The following TTC28 variants were observed in gnomAD, a reference collection of about 807,000 sequenced individuals.
The protein encoded by TTC28 is tetratricopeptide repeat protein 28.
In TTC28, 61 loss-of-function variants were observed where a neutral mutation model predicts 198.0. That is an observed-to-expected ratio of 0.31 (90% CI 0.25 to 0.38). The LOEUF (loss-of-function observed/expected upper bound fraction) is 0.38, where lower values mean the gene tolerates loss of function less well. Ranked by LOEUF, TTC28 falls within the 10% of genes least tolerant of loss-of-function variation. TTC28 has a pLI of 1.00. For synonymous variants in TTC28, 1,171 were observed against 1,297.8 expected (o/e 0.90, Z 2.10); for missense variants, 2,678 against 3,164.0 (o/e 0.85, Z 3.69).
Position 28,572,000 on chromosome 22 carries a change from T to C in TTC28, c.381+57552A>G, listed in dbSNP as rs539863270. Among the ~76,000 whole-genome samples, 11 of 150,944 alleles carry C rather than the reference T, an allele frequency of 7.3e-5. No homozygotes were observed. The East Asian group carries it at 2.0e-3, about 27-fold the overall frequency. ...AAAAAAAAACCGATAATGTATACTC[T>C]GCCACCCAGCAACTTAACTTCAAGA... On this transcript the variant is annotated intron_variant, in intron 2 of 22. Transcript: ENST00000397906.
At chr22:28,583,392 C>T (rs537795894) in intron 2 of TTC28, among the ~76,000 whole-genome samples, 1 of 152,270 alleles carries the variant, frequency 6.6e-6, no homozygotes, top group South Asian at 2.1e-4. Flanking sequence ...CTGCTGAGGA[C>T]TGAAAGTTAA....
At chr22:28,143,749 C>T (rs933673721) in intron 6 of TTC28, among the ~76,000 whole-genome samples, 2 of 152,132 alleles carry the variant, frequency 1.3e-5, no homozygotes, top group Admixed American at 6.5e-5. Context: ...CAAGATCACA[C>T]AGAAGGTCTA....
intron 5 of TTC28, among the ~76,000 whole-genome samples, chr22:28,228,417 T>C (rs1928515544): frequency 6.6e-6 from 1 of 152,160 alleles, no homozygotes; most frequent in Admixed American, 6.5e-5. Context: ...AATACATGTT[T>C]GGCCAGGTGC....
chr22:28,030,269 T>A lies in TTC28; in HGVS notation c.4030A>T (p.Thr1344Ser). The change falls in exon 13 of 23, where the codon ACT becomes TCT. Residue 1344 changes from threonine to serine, a missense_variant. Physicochemically the swap from Thr to Ser is moderately conservative, Grantham distance 58. Coordinates refer to ENST00000397906, the MANE Select transcript of TTC28 (RefSeq NM_001145418.2). Reference sequence around the variant, plus strand: ...CGGCGAACCATCCGCAGAAAGCCAGTGGGGTCAGTGACCGAGTTGAGTTTG... The same window carrying A: ...CGGCGAACCATCCGCAGAAAGCCAGAGGGGTCAGTGACCGAGTTGAGTTTG... ...NNKLNSVTDP[T>S]GFLRMVRRNN... The A allele has an allele frequency of 6.4e-7, 1 of 1,551,774 alleles. No individual in the cohort carries two copies. The highest frequency in any genetic ancestry group is 1.2e-5 in the South Asian group (1 of 84,066).
At chr22:28,535,474 T>A (rs1323388425) in intron 2 of TTC28, among the ~76,000 whole-genome samples, 1 of 152,256 alleles carries the variant, frequency 6.6e-6, no homozygotes, top group Non-Finnish European at 1.5e-5. Context: ...CTAAATTTTA[T>A]ACCTTTGAGA....
chr22:28,371,674 C>T (rs1026431104), intron 2 of TTC28, among the ~76,000 whole-genome samples: 2 of 122,964 alleles, frequency 1.6e-5, no homozygotes, highest in African/African-American at 3.1e-5. Context: ...CCTCTGCCTC[C>T]CAGGTTCAAG....
At chr22:28,335,117 T>C (rs2045688482) in intron 2 of TTC28, among the ~76,000 whole-genome samples, 2 of 152,194 alleles carry the variant, frequency 1.3e-5, no homozygotes, top group Non-Finnish European at 1.5e-5. Flanking sequence ...AGGGAATCCT[T>C]TCCCCATTGC....
At chr22:28,306,294 G>C (rs1219616243) in intron 3 of TTC28, among the ~76,000 whole-genome samples, 1 of 152,134 alleles carries the variant, frequency 6.6e-6, no homozygotes, top group African/African-American at 2.4e-5. Flanking sequence ...CAAACTTCTA[G>C]GTGAGTGGCC....
intron 21 of TTC28, 110 bp from the exon 22 acceptor site, chr22:27,985,466 T>G: frequency 1.2e-6 from 1 of 853,622 alleles, no homozygotes; most frequent in Non-Finnish European, 1.8e-6. Context: ...TGCAAGGCCC[T>G]TCAGCAAGCA....
chr22:28,597,329 C>G (rs898838903), intron 2 of TTC28, among the ~76,000 whole-genome samples: 14 of 152,272 alleles, frequency 9.2e-5, no homozygotes, highest in Admixed American at 9.2e-4. Flanking sequence ...CACTGAACAA[C>G]TATCCATTTC....
intron 10 of TTC28, 38 bp from the exon 11 acceptor site, chr22:28,096,446 AGT>A: frequency 6.5e-7 from 1 of 1,546,186 alleles, no homozygotes; most frequent in Non-Finnish European, 8.7e-7. Flanking sequence ...GTCCATAGTG[AGT>A]GTGCTTACTT....
chr22:28,378,995 G>GA (rs2046455362), intron 2 of TTC28, among the ~76,000 whole-genome samples: 1 of 151,632 alleles, frequency 6.6e-6, no homozygotes, highest in East Asian at 1.9e-4. Flanking sequence ...CATTAATAAA[G>GA]AAAAAATCTT....
intron 2 of TTC28, among the ~76,000 whole-genome samples, chr22:28,355,609 C>A (rs1003495236): frequency 6.6e-6 from 1 of 152,222 alleles, no homozygotes; most frequent in Admixed American, 6.5e-5. Flanking sequence ...TACTCCCATT[C>A]ACTACTTTCA....
At chr22:28,358,582 C>G (rs1185966049) in intron 2 of TTC28, among the ~76,000 whole-genome samples, 1 of 152,196 alleles carries the variant, frequency 6.6e-6, no homozygotes, top group Non-Finnish European at 1.5e-5. Flanking sequence ...CAAGAGGAAT[C>G]AACTGGTATG....
In TTC28 at chr22:27,979,098, C is replaced by A. The variant is rs1936935934; in HGVS notation, c.*3123G>T. On this transcript the variant is annotated 3_prime_UTR_variant, in exon 23 of 23. Coordinates refer to ENST00000397906, the MANE Select transcript of TTC28 (RefSeq NM_001145418.2). ...GCTCCCCGGACGCCAGTCAGTCTAT[C>A]CACTACCTGACTTGCTTTTCCTAGA... is the stretch of plus-strand genomic sequence containing the variant. The A allele has an allele frequency of 6.6e-6, 1 of 152,276 alleles. No homozygotes were observed. Among genetic ancestry groups the A allele is most frequent in the South Asian group, 2.1e-4 (1 of 4,834 alleles). 9.4% of individuals were successfully genotyped at this position (152,276 alleles called of 1,614,324 possible). A position where few individuals can be genotyped will look rare whatever the true frequency, so the allele number is the denominator to read the frequency against.
At chr22:28,264,706 C>T (rs1296155665) in intron 5 of TTC28, among the ~76,000 whole-genome samples, 8 of 152,006 alleles carry the variant, frequency 5.3e-5, no homozygotes, top group Admixed American at 5.2e-4. Context: ...TTAAAAACTG[C>T]CAGGTTTCTG....
At chr22:28,632,834 T>C (rs1048789513) in intron 1 of TTC28, among the ~76,000 whole-genome samples, 2 of 151,784 alleles carry the variant, frequency 1.3e-5, no homozygotes, top group African/African-American at 4.8e-5. Flanking sequence ...TCATAAAGAA[T>C]TGCAGAGTAG....
At position 28,169,844 on chromosome 22, in the gene TTC28, A is replaced by C. The variant is rs1601421752; in HGVS notation, c.934-6245T>G. ...ATAATAATAAAATAAAATAAAATAA[A>C]ATAAAGAACCTGATTAAATTGGGGA... On this transcript the variant is annotated intron_variant, in intron 5 of 22. Transcript: ENST00000397906. Among the ~76,000 whole-genome samples, 5 of 151,974 alleles carry C rather than the reference A, an allele frequency of 3.3e-5. No homozygotes were observed. In the East Asian group the frequency reaches 7.7e-4, roughly 23 times the overall value.
At chr22:28,393,443 G>T (rs1025432530) in intron 2 of TTC28, among the ~76,000 whole-genome samples, 1 of 152,130 alleles carries the variant, frequency 6.6e-6, no homozygotes, top group Non-Finnish European at 1.5e-5. Flanking sequence ...TGTAATCCCG[G>T]CACTTTGGGA....
Sources: allele counts gnomAD v4.1 joint callset (sites outside exome capture counted in the v4.1 genomes callset), GRCh38; gene constraint gnomAD v4.1.1; transcripts MANE v1.5; gene names NCBI Gene and HGNC (gene_info 2026-07-23, HGNC 2026-07-21).